The following METTL8 variants were observed in gnomAD, a reference collection of about 807,000 sequenced individuals.
METTL8 encodes the protein methyltransferase 8, tRNA N3-cytidine, also known as tRNA N(3)-cytidine methyltransferase METTL8, mitochondrial.
In METTL8, 32 loss-of-function variants were observed where a neutral mutation model predicts 48.7. That is an observed-to-expected ratio of 0.66 (90% CI 0.50 to 0.88). The LOEUF is 0.88. Among genes scored for constraint, METTL8 ranks in the 40% least tolerant of loss-of-function variants. The probability of loss-of-function intolerance (pLI) is 0.00; values close to 1 mark genes in which losing one functional copy is unlikely to be tolerated. For synonymous variants in METTL8, 136 were observed against 157.1 expected, an observed-to-expected ratio of 0.87 and a Z score of 1.01; for missense variants, 464 against 474.4, an observed-to-expected ratio of 0.98 and a Z score of 0.20.
intron 2 of METTL8, among the ~76,000 whole-genome samples, chr2:171,388,243 T>C (rs1389419437): frequency 6.6e-6 from 1 of 152,252 alleles, no homozygotes; most frequent in Non-Finnish European, 1.5e-5. Context: ...TTTCTGCTTC[T>C]AATTCTTCCT....
At chr2:171,428,901 A>G (rs565855060) in intron 1 of METTL8, among the ~76,000 whole-genome samples, 1 of 152,300 alleles carries the variant, frequency 6.6e-6, no homozygotes, top group South Asian at 2.1e-4. Flanking sequence ...AGAACCACAA[A>G]AGCAAACATG....
intron 1 of METTL8, chr2:171,414,745 G>A (rs373911141): frequency 2.0e-5 from 3 of 151,378 alleles, no homozygotes; most frequent in Admixed American, 1.3e-4. Context: ...AAAAAAAAAG[G>A]TTACTAAAAC....
At chr2:171,330,748 G>A (rs1007296923) in intron 6 of METTL8, 50 bp from the exon 7 acceptor site, 13 of 1,480,284 alleles carry the variant, frequency 8.8e-6, no homozygotes, top group African/African-American at 2.9e-5. Flanking sequence ...GTAGACTTCC[G>A]GGATTTTTTT....
At chr2:171,361,208 T>C (rs891059365) in intron 2 of METTL8, among the ~76,000 whole-genome samples, 3 of 151,766 alleles carry the variant, frequency 2.0e-5, no homozygotes, top group South Asian at 2.1e-4. Context: ...GACAACTGTA[T>C]ACAAGAAAGG....
chr2:171,433,550 A>C (rs1693397644), intron 1 of METTL8, among the ~76,000 whole-genome samples: 1 of 152,220 alleles, frequency 6.6e-6, no homozygotes, highest in Admixed American at 6.5e-5. Flanking sequence ...TTGAACATAC[A>C]GGCAGGGCTA....
chr2:171,427,771 T>C (rs577879116), intron 1 of METTL8, among the ~76,000 whole-genome samples: 1 of 152,222 alleles, frequency 6.6e-6, no homozygotes, highest in Non-Finnish European at 1.5e-5. Flanking sequence ...AGAAATCTTA[T>C]TTTTTCATCT....
rs1423786981 is a variant in METTL8 at position 171,323,176 on chromosome 2, G to A, written c.*996C>T. The A allele has an allele frequency of 1.4e-5, 2 of 145,440 alleles. No homozygotes were observed. The highest frequency in any genetic ancestry group is 3.0e-5 in the Non-Finnish European group (2 of 66,572). The allele number at this position is 145,440 out of a possible 1,614,324, so 9.0% of individuals were successfully genotyped here. ...TTACACAGTCCCTATTCAAGATGAA[G>A]TTGCTCTGGTTCAAAAGCCCTTGAT... On this transcript the variant is annotated 3_prime_UTR_variant, in exon 10 of 10. Transcript: ENST00000375258.
At chr2:171,363,994 G>A (rs1685467234) in intron 2 of METTL8, among the ~76,000 whole-genome samples, 1 of 151,134 alleles carries the variant, frequency 6.6e-6, no homozygotes, top group Middle Eastern at 3.4e-3. Flanking sequence ...TTTATTTTTA[G>A]TAGAGATGGG....
At chr2:171,430,988 C>A (rs1377509566) in intron 1 of METTL8, among the ~76,000 whole-genome samples, 1 of 152,140 alleles carries the variant, frequency 6.6e-6, no homozygotes, top group Non-Finnish European at 1.5e-5. Flanking sequence ...CATTCTGAGC[C>A]CATAAAAGCC....
chr2:171,352,472 G>A (rs1379298206), intron 3 of METTL8, among the ~76,000 whole-genome samples: 1 of 152,118 alleles, frequency 6.6e-6, no homozygotes, highest in Non-Finnish European at 1.5e-5. Context: ...TCAGGATGAT[G>A]CTGGCCTCAT....
chr2:171,383,053 G>A (rs553809099), intron 2 of METTL8, among the ~76,000 whole-genome samples: 4 of 152,126 alleles, frequency 2.6e-5, no homozygotes, highest in East Asian at 3.9e-4. Context: ...CAGTCTGGGC[G>A]ACAGAGCAAG....
intron 7 of METTL8, among the ~76,000 whole-genome samples, chr2:171,329,634 G>T (rs1012898295): frequency 6.6e-6 from 1 of 152,214 alleles, no homozygotes; most frequent in African/African-American, 2.4e-5. Context: ...ATTTGGAAAT[G>T]GAATTTGTTC....
At chr2:171,327,997 C>G (rs1233002342) in intron 7 of METTL8, among the ~76,000 whole-genome samples, 1 of 152,128 alleles carries the variant, frequency 6.6e-6, no homozygotes, top group African/African-American at 2.4e-5. Context: ...CTCAGCTATC[C>G]TTTAATGTCT....
At chr2:171,413,486 A>G (rs1690962006) in intron 1 of METTL8, among the ~76,000 whole-genome samples, 1 of 152,218 alleles carries the variant, frequency 6.6e-6, no homozygotes, top group Non-Finnish European at 1.5e-5. Flanking sequence ...TATTTTTTAT[A>G]AAAATATGCC....
intron 7 of METTL8, among the ~76,000 whole-genome samples, chr2:171,328,246 T>C (rs777509247): frequency 2.0e-5 from 3 of 152,034 alleles, no homozygotes. Flanking sequence ...AAAAAATGTA[T>C]TGACTGCCTG....
chr2:171,393,171 A>C (rs540781384), intron 1 of METTL8, among the ~76,000 whole-genome samples: 1 of 152,108 alleles, frequency 6.6e-6, no homozygotes, highest in South Asian at 2.1e-4. Flanking sequence ...CTATAATCCC[A>C]ACATTTTGGG....
intron 1 of METTL8, among the ~76,000 whole-genome samples, chr2:171,425,047 G>A (rs1692264882): frequency 2.0e-5 from 3 of 152,040 alleles, no homozygotes; most frequent in Non-Finnish European, 4.4e-5. Context: ...TTTTATAAGG[G>A]GCTTTTCCTC....
Position 171,330,816 on chromosome 2 carries a change from C to G in METTL8, c.721-118G>C, listed in dbSNP as rs1685452121. On this transcript the variant is annotated intron_variant, in intron 6 of 9. Coordinates refer to ENST00000375258, the MANE Select transcript of METTL8 (RefSeq NM_001321154.2). ...TTTCTCCCAAAAGCCTTTCCTCTGT[C>G]AGTCTGAACACTTTTTTCCAATTCA... The G allele has an allele frequency of 4.0e-6, 3 of 749,910 alleles. No homozygotes were observed. The South Asian group carries it at 6.4e-5, about 16-fold the overall frequency. 46.5% of individuals were successfully genotyped at this position (749,910 alleles called of 1,614,324 possible).
chr2:171,350,038 G>C (rs966890017), intron 3 of METTL8, among the ~76,000 whole-genome samples: 20 of 152,032 alleles, frequency 1.3e-4, no homozygotes, highest in African/African-American at 4.8e-4. Context: ...ATGTATACTT[G>C]TGCCATGTTG....
Sources: allele counts gnomAD v4.1 joint callset (sites outside exome capture counted in the v4.1 genomes callset), GRCh38; gene constraint gnomAD v4.1.1; transcripts MANE v1.5; gene names NCBI Gene and HGNC (gene_info 2026-07-23, HGNC 2026-07-21).